FHIT: variants seen among roughly 807,000 people sequenced by gnomAD.
FHIT encodes the protein fragile histidine triad diadenosine triphosphatase, also known as bis(5'-adenosyl)-triphosphatase.
In FHIT, 19 loss-of-function variants were observed where a neutral mutation model predicts 17.9. The observed-to-expected ratio is 1.06, with a 90% CI of 0.74 to 1.56. The LOEUF is 1.56. Among genes scored for constraint, FHIT ranks in the 40% most tolerant of loss-of-function variants. The pLI, the probability that FHIT is intolerant of heterozygous loss-of-function variation, is 0.00. For missense variants in FHIT, 248 were observed against 189.2 expected (o/e 1.31, Z -1.82); for synonymous variants, 81 against 69.7 (o/e 1.16, Z -0.81).
At chr3:61,001,928 G>A (rs1353753858) in intron 3 of FHIT, among the ~76,000 whole-genome samples, 1 of 151,364 alleles carries the variant, frequency 6.6e-6, no homozygotes, top group Non-Finnish European at 1.5e-5. Flanking sequence ...GGGAAAACTG[G>A]AAAAAGGGTA....
At chr3:60,596,144 C>G in intron 4 of FHIT, 1 of 358,808 alleles carries the variant, frequency 2.8e-6, no homozygotes, top group Non-Finnish European at 3.9e-6. Context: ...AAATAATCAA[C>G]TTCTTTTTCT....
rs77031094 is a variant in FHIT, at chr3:60,173,462, T to G, written c.104-159310A>C. 5.6e-3 allele frequency among the ~76,000 whole-genome samples: 852 copies of G among 152,264 alleles called. 5 individuals carry two copies. Among genetic ancestry groups the G allele is most frequent in the African/African-American group, 0.019 (806 of 41,566 alleles). ...TTAGTGGCTTATAACCAAGGCATAC[T>G]GCTCTTAGGAGTTTATTTCAGAGAA... On this transcript the variant is annotated intron_variant, in intron 5 of 9. Coordinates refer to ENST00000492590, the MANE Select transcript of FHIT (RefSeq NM_002012.4).
chr3:61,092,422 T>C (rs2035513677), intron 2 of FHIT, among the ~76,000 whole-genome samples: 2 of 152,136 alleles, frequency 1.3e-5, no homozygotes, highest in Admixed American at 6.5e-5. Context: ...TACATGTTTT[T>C]AATTTTGAAG....
chr3:60,668,617 A>C (rs1240183850), intron 4 of FHIT, among the ~76,000 whole-genome samples: 3 of 132,728 alleles, frequency 2.3e-5, no homozygotes, highest in African/African-American at 8.7e-5. Flanking sequence ...GCTGGAGTGC[A>C]GTGGCACGAT....
At chr3:60,267,676 T>C (rs1213085432) in intron 5 of FHIT, among the ~76,000 whole-genome samples, 1 of 152,138 alleles carries the variant, frequency 6.6e-6, no homozygotes, top group Non-Finnish European at 1.5e-5. Context: ...GTATACATCA[T>C]TAATTCGTTT....
At chr3:60,287,058 A>T (rs1707759707) in intron 5 of FHIT, among the ~76,000 whole-genome samples, 1 of 152,144 alleles carries the variant, frequency 6.6e-6, no homozygotes, top group African/African-American at 2.4e-5. Context: ...TGCCGAAAAA[A>T]CCATGTCATG....
At chr3:60,324,312 G>A (rs1052539165) in intron 5 of FHIT, among the ~76,000 whole-genome samples, 2 of 135,334 alleles carry the variant, frequency 1.5e-5, no homozygotes, top group Non-Finnish European at 3.2e-5. Context: ...AAGGCCGGGC[G>A]CGATGGCTCA....
chr3:59,891,629 G>C (rs73839584), intron 8 of FHIT, among the ~76,000 whole-genome samples: 3 of 152,150 alleles, frequency 2.0e-5, no homozygotes, highest in African/African-American at 7.2e-5. Context: ...CCTTGCTGAC[G>C]GTAGGTCTGG....
intron 5 of FHIT, among the ~76,000 whole-genome samples, chr3:60,367,593 C>A (rs1285027228): frequency 6.6e-6 from 1 of 152,066 alleles, no homozygotes; most frequent in East Asian, 1.9e-4. Flanking sequence ...AACAAATTTG[C>A]CTTGATTTAT....
chr3:60,020,662 A>G (rs915467037), intron 5 of FHIT, among the ~76,000 whole-genome samples: 1 of 152,190 alleles, frequency 6.6e-6, no homozygotes, highest in Admixed American at 6.5e-5. Context: ...ACCTCAGCAG[A>G]CCCTGTATAA....
At chr3:60,790,500 ATG>A (rs2108118373) in intron 4 of FHIT, among the ~76,000 whole-genome samples, 1 of 152,336 alleles carries the variant, frequency 6.6e-6, no homozygotes, top group African/African-American at 2.4e-5. Flanking sequence ...CAACAGGATC[ATG>A]ATTGTAATTT....
intron 4 of FHIT, among the ~76,000 whole-genome samples, chr3:60,619,791 C>A (rs1346007904): frequency 6.6e-6 from 1 of 151,972 alleles, no homozygotes; most frequent in Non-Finnish European, 1.5e-5. Flanking sequence ...ACCAAAGGTG[C>A]AATCCATGAA....
chr3:60,923,478 G>A (rs1362360731), intron 3 of FHIT, among the ~76,000 whole-genome samples: 2 of 152,194 alleles, frequency 1.3e-5, no homozygotes, highest in Non-Finnish European at 2.9e-5. Context: ...TAAAGATTAA[G>A]TAAATGCAAG....
intron 5 of FHIT, among the ~76,000 whole-genome samples, chr3:60,073,765 C>G (rs1702885860): frequency 6.6e-6 from 1 of 152,124 alleles, no homozygotes; most frequent in African/African-American, 2.4e-5. Flanking sequence ...GAAAAAATCA[C>G]TCCACTCCTG....
chr3:61,107,982 G>A (rs1234132657), intron 2 of FHIT, among the ~76,000 whole-genome samples: 2 of 152,208 alleles, frequency 1.3e-5, no homozygotes, highest in African/African-American at 2.4e-5. Flanking sequence ...AGTTCACGAT[G>A]TACGGAAAAA....
chr3:60,921,009 G>C (rs1187873262), intron 3 of FHIT, among the ~76,000 whole-genome samples: 1 of 152,170 alleles, frequency 6.6e-6, no homozygotes, highest in Non-Finnish European at 1.5e-5. Flanking sequence ...AGGTTCATTT[G>C]GTAACTCACT....
Position 60,787,291 on chromosome 3 carries a change from T to A in FHIT, c.-18+34628A>T, listed in dbSNP as rs150201894. 4.3e-3 allele frequency among the ~76,000 whole-genome samples: 653 copies of A among 152,360 alleles called. 6 individuals are homozygous for A. Among genetic ancestry groups the A allele is most frequent in the Middle Eastern group, 0.024 (7 of 294 alleles). On this transcript the variant is annotated intron_variant, in intron 4 of 9. Transcript: ENST00000492590. ...GCATAAAATCCCTGCTCCAGCTTTT[T>A]ACACATACAGATGTTTTCCTGCATA...
In FHIT at chr3:60,371,855, T is replaced by A. The variant is rs528940073; in HGVS notation, c.103+165005A>T. ...GATTTTTGTGGGGTTTTTTTTTTTT[T>A]TTTAGCTCAAAATGTTTATCTAACA... On this transcript the variant is annotated intron_variant, in intron 5 of 9. Transcript: ENST00000492590. 7.3e-3 allele frequency among the ~76,000 whole-genome samples: 1,102 copies of A among 151,592 alleles called. 12 individuals are homozygous for A. The highest frequency in any genetic ancestry group is 0.026 in the African/African-American group (1,060 of 41,408).
intron 8 of FHIT, among the ~76,000 whole-genome samples, chr3:59,861,166 T>C (rs1452790296): frequency 2.0e-5 from 3 of 151,968 alleles, no homozygotes; most frequent in Admixed American, 6.6e-5. Context: ...TGGTGGTATA[T>C]AGGGTAAGTG....
Sources: allele counts gnomAD v4.1 joint callset (sites outside exome capture counted in the v4.1 genomes callset), GRCh38; gene constraint gnomAD v4.1.1; transcripts MANE v1.5; gene names NCBI Gene and HGNC (gene_info 2026-07-23, HGNC 2026-07-21).